ELP4: variants seen among roughly 807,000 people sequenced by gnomAD.
ELP4 encodes elongator acetyltransferase complex subunit 4.
Under a neutral mutation model 48.9 loss-of-function variants are expected in ELP4, and 51 were observed. That is an observed-to-expected ratio of 1.04 (90% CI 0.83 to 1.32). ELP4 has a LOEUF of 1.32. Among genes scored for constraint, ELP4 ranks in the 40% most tolerant of loss-of-function variants. The pLI, the probability that ELP4 is intolerant of heterozygous loss-of-function variation, is 0.00. For synonymous variants in ELP4, 210 were observed against 189.2 expected, an observed-to-expected ratio of 1.11 and a Z score of -0.90; for missense variants, 519 against 514.6, an observed-to-expected ratio of 1.01 and a Z score of -0.08.
chr11:31,659,489 TTC>T (rs760349362), intron 9 of ELP4, among the ~76,000 whole-genome samples: 1 of 152,174 alleles, frequency 6.6e-6, no homozygotes, highest in African/African-American at 2.4e-5. Context: ...ATTCAAAAAT[TTC>T]TGAGTAAATC....
At chr11:31,736,086 C>A (rs1456892097) in intron 9 of ELP4, among the ~76,000 whole-genome samples, 4 of 152,166 alleles carry the variant, frequency 2.6e-5, no homozygotes, top group Non-Finnish European at 4.4e-5. Context: ...TACTACAAGG[C>A]TACAGTAACC....
intron 2 of ELP4, among the ~76,000 whole-genome samples, chr11:31,534,774 T>G (rs1956471454): frequency 6.6e-6 from 1 of 152,252 alleles, no homozygotes; most frequent in South Asian, 2.1e-4. Flanking sequence ...GGTTTGTTTC[T>G]TATATCGATT....
Position 31,637,670 on chromosome 11 carries a change from C to A in ELP4, c.927+5265C>A, listed in dbSNP as rs180836206. 2.3e-3 allele frequency among the ~76,000 whole-genome samples: 348 copies of A among 152,054 alleles called. 1 individual carries two copies. Among genetic ancestry groups the A allele is most frequent in the Non-Finnish European group, 3.7e-3 (253 of 67,926 alleles). The stretch of plus-strand genomic sequence containing the variant: ...GCAGTTACAATAGGATACTGTTTGA[C>A]TTCCATATCTAGCAAGATATGAAAC... On this transcript the variant is annotated intron_variant, in intron 7 of 9. Coordinates refer to ENST00000640961, the MANE Select transcript of ELP4 (RefSeq NM_019040.5).
intron 9 of ELP4, among the ~76,000 whole-genome samples, chr11:31,743,953 G>T (rs968385035): frequency 6.6e-6 from 1 of 152,146 alleles, no homozygotes; most frequent in East Asian, 1.9e-4. Flanking sequence ...GAGTCCAGGA[G>T]CTGGTTTTTT....
chr11:31,537,633 C>T (rs1004279823), intron 2 of ELP4, among the ~76,000 whole-genome samples: 2 of 152,144 alleles, frequency 1.3e-5, no homozygotes, highest in African/African-American at 4.8e-5. Flanking sequence ...GAGGCAGGCA[C>T]ATCTCACATG....
intron 9 of ELP4, among the ~76,000 whole-genome samples, chr11:31,707,910 C>G (rs955120534): frequency 6.6e-6 from 1 of 152,102 alleles, no homozygotes; most frequent in Non-Finnish European, 1.5e-5. Flanking sequence ...TATATTGTGC[C>G]CAGGGCAATC....
At chr11:31,620,093 A>G (rs1251038885) in intron 5 of ELP4, among the ~76,000 whole-genome samples, 3 of 152,042 alleles carry the variant, frequency 2.0e-5, no homozygotes, top group Non-Finnish European at 4.4e-5. Context: ...AAAGTATGAC[A>G]TTGTCATCTA....
chr11:31,572,410 G>C (rs1440032595), intron 3 of ELP4, among the ~76,000 whole-genome samples: 1 of 152,138 alleles, frequency 6.6e-6, no homozygotes, highest in African/African-American at 2.4e-5. Flanking sequence ...AGTAAACAGA[G>C]CCTCTAGACG....
chr11:31,779,275 CTTATT>C (rs1948316830), intron 9 of ELP4, among the ~76,000 whole-genome samples: 2 of 152,172 alleles, frequency 1.3e-5, no homozygotes, highest in East Asian at 3.8e-4. Flanking sequence ...ACTGATTAAA[CTTATT>C]TTAATGAGTA....
intron 5 of ELP4, among the ~76,000 whole-genome samples, chr11:31,616,377 A>G (rs983842474): frequency 2.0e-5 from 3 of 152,102 alleles, no homozygotes; most frequent in African/African-American, 7.2e-5. Context: ...GCAAAAAAAT[A>G]AAAATAAAAA....
chr11:31,767,868 C>G (rs1948071957), intron 9 of ELP4: 1 of 152,136 alleles, frequency 6.6e-6, no homozygotes, highest in Non-Finnish European at 1.5e-5. Flanking sequence ...TGCCCTATCA[C>G]CACCCTAAGG....
chr11:31,738,498 G>T (rs1275639033), intron 9 of ELP4, among the ~76,000 whole-genome samples: 1 of 151,474 alleles, frequency 6.6e-6, no homozygotes, highest in Non-Finnish European at 1.5e-5. Flanking sequence ...CACTGCGGGG[G>T]GCTAAGGCTG....
rs191160093 is a variant in ELP4 at position 31,550,388 on chromosome 11, A to G, written c.381+10605A>G. 4.9e-4 allele frequency among the ~76,000 whole-genome samples: 74 copies of G among 152,302 alleles called. 1 individual carries two copies. Among genetic ancestry groups the G allele is most frequent in the African/African-American group, 1.6e-3 (65 of 41,578 alleles). On this transcript the variant is annotated intron_variant, in intron 3 of 9. Transcript: ENST00000640961. ...CAAAGTATATATGAAGGGACTTCAA[A>G]AAGTTTGTGGAAAAATGGAATTAAA...
intron 5 of ELP4, among the ~76,000 whole-genome samples, chr11:31,614,238 C>G (rs1958035609): frequency 6.6e-6 from 1 of 152,022 alleles, no homozygotes; most frequent in Admixed American, 6.6e-5. Flanking sequence ...ATCTCATGCT[C>G]AGATCTAAAT....
chr11:31,590,202 A>G (rs539939872), intron 3 of ELP4, among the ~76,000 whole-genome samples: 82 of 152,334 alleles, frequency 5.4e-4, no homozygotes, highest in African/African-American at 2.0e-3. Context: ...CTGAATTAAC[A>G]TATCTAAAGC....
chr11:31,598,984 A>G (rs931744529), intron 4 of ELP4: 1 of 152,168 alleles, frequency 6.6e-6, no homozygotes, highest in African/African-American at 2.4e-5. Context: ...ACTCTGTATC[A>G]TCTTCTTTCA....
At chr11:31,637,174 A>G (rs758646362) in intron 7 of ELP4, among the ~76,000 whole-genome samples, 6 of 151,806 alleles carry the variant, frequency 4.0e-5, no homozygotes, top group Non-Finnish European at 7.4e-5. Flanking sequence ...AGCCTGTTAA[A>G]GAGCCCCCAA....
chr11:31,715,489 G>A (rs1235259697), intron 9 of ELP4, among the ~76,000 whole-genome samples: 1 of 152,192 alleles, frequency 6.6e-6, no homozygotes, highest in African/African-American at 2.4e-5. Context: ...ATTCCAATGT[G>A]TTCATGTTAC....
In ELP4 at chr11:31,639,564, G is replaced by A. The variant is rs1036999533; in HGVS notation, c.927+7159G>A. 3.3e-5 allele frequency among the ~76,000 whole-genome samples: 5 copies of A among 151,670 alleles called. No homozygotes were observed. In the Admixed American group the frequency reaches 3.3e-4, roughly 10 times the overall value. On this transcript the variant is annotated intron_variant, in intron 7 of 9. Transcript: ENST00000640961. ...CGTATATATTTAATTTACTTTTTTGGACAAGGATGATTGAAACTTTTTACA... is the reference window on the plus strand; with the variant it reads ...CGTATATATTTAATTTACTTTTTTGAACAAGGATGATTGAAACTTTTTACA...
Sources: gnomAD v4.1 joint callset for allele counts (sites outside exome capture counted in the v4.1 genomes callset) on GRCh38, gnomAD v4.1.1 for gene constraint, MANE v1.5 for transcripts, NCBI Gene and HGNC (gene_info 2026-07-23, HGNC 2026-07-21) for gene names.